The following HYDIN variants were observed in gnomAD, a reference collection of about 807,000 sequenced individuals.
The protein encoded by HYDIN is axonemal central pair apparatus protein HYDIN.
HYDIN carries 132 observed loss-of-function variants against 403.9 expected under a neutral mutation model. The observed-to-expected ratio is 0.33, with a 90% CI of 0.28 to 0.38. The LOEUF is 0.38. Among genes scored for constraint, HYDIN ranks in the 10% least tolerant of loss-of-function variants. The probability of loss-of-function intolerance (pLI) is 1.00; values close to 1 mark genes in which losing one functional copy is unlikely to be tolerated. For missense variants in HYDIN, 2,827 were observed against 5,009.5 expected, an observed-to-expected ratio of 0.56 and a Z score of 13.15; for synonymous variants, 1,202 against 1,891.7, an observed-to-expected ratio of 0.64 and a Z score of 9.46.
chr16:70,926,174 C>A (rs1037453612), intron 45 of HYDIN, among the ~76,000 whole-genome samples: 92 of 146,368 alleles, frequency 6.3e-4, no homozygotes, highest in Middle Eastern at 3.5e-3. Flanking sequence ...ATGTTTATTG[C>A]GGCACTATTC....
At chr16:71,215,540 C>G (rs886670319) in intron 1 of HYDIN, among the ~76,000 whole-genome samples, 2 of 149,980 alleles carry the variant, frequency 1.3e-5, no homozygotes, top group Non-Finnish European at 2.9e-5. Context: ...GCTGATAACA[C>G]GTAAATCCTG....
At chr16:70,823,620 C>A (rs1478678142) in intron 83 of HYDIN, among the ~76,000 whole-genome samples, 2 of 151,706 alleles carry the variant, frequency 1.3e-5, no homozygotes, top group Non-Finnish European at 2.9e-5. Context: ...TAATGTTCCC[C>A]AGCACTGATT....
intron 1 of HYDIN, among the ~76,000 whole-genome samples, chr16:71,220,838 T>C (rs1490122450): frequency 1.3e-5 from 2 of 152,202 alleles, no homozygotes; most frequent in East Asian, 3.9e-4. Flanking sequence ...TGTTTTCTAA[T>C]ATAGGTTATG....
Position 70,818,393 on chromosome 16 carries a change from C to T in HYDIN, c.14607G>A (p.Arg4869=). 6.2e-7 allele frequency: 1 copy of T among 1,613,832 alleles called. No individual in the cohort carries two copies. Among genetic ancestry groups the T allele is most frequent in the Non-Finnish European group, 8.5e-7 (1 of 1,179,828 alleles). ...GGGAGGGCAGGGCGATGTCGGGCAT[C>T]CGGCATTCCGTGGAGAAGGTCACCG... ...PYSVTFSTEC[R]MPDIALPSQF... is the part of the protein sequence containing the mutation. Residue 4869 remains arginine, a synonymous_variant, in exon 84 of 86, where the codon CGG becomes CGA. Transcript: ENST00000393567.
At chr16:71,025,119 A>T (rs571873754) in intron 21 of HYDIN, among the ~76,000 whole-genome samples, 1 of 152,234 alleles carries the variant, frequency 6.6e-6, no homozygotes, top group Admixed American at 6.5e-5. Context: ...TAAAATGCAT[A>T]TTCAGTGCAC....
intron 18 of HYDIN, among the ~76,000 whole-genome samples, chr16:71,041,705 T>C (rs1223494984): frequency 6.6e-6 from 1 of 152,124 alleles, no homozygotes; most frequent in Non-Finnish European, 1.5e-5. Context: ...AATTTAATAG[T>C]GGTTATCTGC....
chr16:70,965,150 T>C (rs1317988026), intron 36 of HYDIN, among the ~76,000 whole-genome samples: 2 of 152,044 alleles, frequency 1.3e-5, no homozygotes, highest in Non-Finnish European at 2.9e-5. Context: ...TGGAAATATG[T>C]TTTCTTCTTG....
chr16:70,930,849 C>T (rs1188078279), intron 45 of HYDIN, among the ~76,000 whole-genome samples: 1 of 152,116 alleles, frequency 6.6e-6, no homozygotes, highest in African/African-American at 2.4e-5. Context: ...GAGTCTGCAA[C>T]ATAACATTAA....
chr16:71,133,134 G>A (rs1455310452), intron 8 of HYDIN: 3 of 419,328 alleles, frequency 7.2e-6, no homozygotes, highest in Non-Finnish European at 1.4e-5. Context: ...TCATCTTCAG[G>A]TACTCAAGGC....
intron 14 of HYDIN, among the ~76,000 whole-genome samples, chr16:71,068,458 A>G (rs138551109): frequency 0.32 from 48,502 of 151,370 alleles, 8,359 homozygotes; most frequent in East Asian, 0.58. Flanking sequence ...GGAAAGAAAC[A>G]GAGAATCCTA....
chr16:70,860,758 C>T lies in HYDIN; in HGVS notation c.11921G>A (p.Gly3974Glu). 1.7e-6 allele frequency: 1 copy of T among 587,228 alleles called. No individual in the cohort carries two copies. Among genetic ancestry groups the T allele is most frequent in the East Asian group, 2.8e-5 (1 of 35,628 alleles). 36.4% of individuals were successfully genotyped at this position (587,228 alleles called of 1,614,324 possible). The change falls in exon 70 of 86, where the codon GGG becomes GAG. Residue 3974 changes from glycine (G) to glutamate (E), a missense_variant. Physicochemically the swap from Gly to Glu is moderately conservative, Grantham distance 98 (BLOSUM62 -2). Transcript: ENST00000393567. ...QRNPELRGSS[G>E]GALDPNTRVI... ...CCGGGTGTTTGGATCCAGAGCTCCC[C>T]CACTGGACCCTCGGAGCTCTGGGTT...
In HYDIN at chr16:70,938,765, G is replaced by A. The variant is rs746990502; in HGVS notation, c.6854-10C>T. 2 of 1,613,736 alleles carry A rather than the reference G, an allele frequency of 1.2e-6. No individual in the cohort carries two copies. Among genetic ancestry groups the A allele is most frequent in the Admixed American group, 1.7e-5 (1 of 60,012 alleles). On this transcript the variant is annotated splice_polypyrimidine_tract_variant and intron_variant, in intron 43 of 85. Coordinates refer to ENST00000393567, the MANE Select transcript of HYDIN (RefSeq NM_001270974.2). ...CCCTTGTGCTTGCGTTCTGTGAGGGGAACAGAGACGGGAAGGTGAGGAAAA... is the reference window on the plus strand; with the variant it reads ...CCCTTGTGCTTGCGTTCTGTGAGGGAAACAGAGACGGGAAGGTGAGGAAAA...
chr16:71,144,570 AG>A (rs1299684537), intron 7 of HYDIN, among the ~76,000 whole-genome samples: 2 of 149,448 alleles, frequency 1.3e-5, no homozygotes, highest in Admixed American at 6.7e-5. Flanking sequence ...TACTATACGC[AG>A]GCACCCACAG....
chr16:70,892,550 G>T, intron 55 of HYDIN, 21 bp from the exon 56 acceptor site: 2 of 1,595,216 alleles, frequency 1.3e-6, no homozygotes, highest in Non-Finnish European at 1.7e-6. Context: ...AGAATAAGAA[G>T]TCAGCCTAGG....
chr16:70,853,178 C>G (rs1597126731), intron 73 of HYDIN, among the ~76,000 whole-genome samples: 1 of 152,034 alleles, frequency 6.6e-6, no homozygotes, highest in African/African-American at 2.4e-5. Context: ...GAGACTCTGT[C>G]TAAGAATAGT....
rs772146368 is a variant in HYDIN, at chr16:71,230,581, C to G, written c.-43G>C. 39 of 1,535,628 alleles carry G rather than the reference C, an allele frequency of 2.5e-5. No homozygotes were observed. Among genetic ancestry groups the G allele is most frequent in the Admixed American group, 3.9e-5 (2 of 50,954 alleles). Reference sequence around the variant, plus strand: ...TCTGACCTTGGTGCACTCCGGGTCCCACGTTTATTCTACCTCCATTCCCCG... The same window carrying G: ...TCTGACCTTGGTGCACTCCGGGTCCGACGTTTATTCTACCTCCATTCCCCG... On this transcript the variant is annotated 5_prime_UTR_variant, in exon 1 of 86. Coordinates refer to ENST00000393567, the MANE Select transcript of HYDIN (RefSeq NM_001270974.2).
At chr16:70,970,382 T>C (rs1243275072) in intron 36 of HYDIN, 138 bp downstream of exon 36, 1 of 490,404 alleles carries the variant, frequency 2.0e-6, no homozygotes, top group Admixed American at 3.6e-5. Context: ...TTGCTTAAAA[T>C]GTCTAGGATT....
At chr16:71,066,004 A>C (rs1030462321) in intron 15 of HYDIN, among the ~76,000 whole-genome samples, 3 of 152,122 alleles carry the variant, frequency 2.0e-5, no homozygotes. Context: ...TGACCCAGTG[A>C]CTTTCTTAAA....
chr16:70,907,322 G>A (rs917401554), intron 50 of HYDIN, 50 bp downstream of exon 50: 2 of 506,698 alleles, frequency 3.9e-6, no homozygotes, highest in Non-Finnish European at 7.2e-6. Flanking sequence ...CACTGTTCAT[G>A]AGCCCAACCC....
Sources: gnomAD v4.1 joint callset for allele counts (sites outside exome capture counted in the v4.1 genomes callset) on GRCh38, gnomAD v4.1.1 for gene constraint, MANE v1.5 for transcripts, NCBI Gene and HGNC (gene_info 2026-07-23, HGNC 2026-07-21) for gene names.